The following CA8 variants were observed in gnomAD, a reference collection of about 807,000 sequenced individuals.
The protein encoded by CA8 is carbonic anhydrase 8 (inactive).
In CA8, 22 loss-of-function variants were observed where a neutral mutation model predicts 41.4. The ratio of observed to expected loss-of-function variants is 0.53; its 90% confidence interval spans 0.38 to 0.76. CA8 has a LOEUF of 0.76. Ranked by LOEUF, CA8 falls within the 30% of genes least tolerant of loss-of-function variation. The probability of loss-of-function intolerance (pLI) is 0.00; values close to 1 mark genes in which losing one functional copy is unlikely to be tolerated. For synonymous variants in CA8, 121 were observed against 130.6 expected (o/e 0.93, Z 0.50); for missense variants, 270 against 352.8 (o/e 0.77, Z 1.88).
chr8:60,244,251 C>A (rs560570724), intron 3 of CA8, among the ~76,000 whole-genome samples: 4 of 152,282 alleles, frequency 2.6e-5, no homozygotes, highest in Admixed American at 2.6e-4. Context: ...GTTTCAAGAT[C>A]CATAATCTAT....
At chr8:60,209,204 G>A (rs1806747240) in intron 7 of CA8, among the ~76,000 whole-genome samples, 1 of 152,168 alleles carries the variant, frequency 6.6e-6, no homozygotes, top group Non-Finnish European at 1.5e-5. Flanking sequence ...AAATGATACA[G>A]GCCGGGCACA....
chr8:60,208,450 A>C, intron 8 of CA8: 25 of 358,822 alleles, frequency 7.0e-5, no homozygotes, highest in Non-Finnish European at 9.6e-5. Context: ...CTAAAGAGGT[A>C]TGCATGCATG....
chr8:60,274,847 A>G (rs537619163), intron 2 of CA8, among the ~76,000 whole-genome samples: 2 of 152,308 alleles, frequency 1.3e-5, no homozygotes, highest in African/African-American at 4.8e-5. Context: ...AGACTAAGAC[A>G]CGAGAAAAGA....
intron 1 of CA8, among the ~76,000 whole-genome samples, 197 bp from the exon 2 acceptor site, chr8:60,280,077 C>G (rs1326159150): frequency 6.6e-6 from 1 of 152,122 alleles, no homozygotes; most frequent in Non-Finnish European, 1.5e-5. Flanking sequence ...AAATACCATA[C>G]ACAAAATCCC....
chr8:60,236,434 C>T (rs1807832825), intron 3 of CA8, among the ~76,000 whole-genome samples: 2 of 152,164 alleles, frequency 1.3e-5, no homozygotes, highest in Admixed American at 1.3e-4. Context: ...CTCTCTCTTT[C>T]TCCCTCTCCC....
intron 6 of CA8, 144 bp from the exon 7 acceptor site, chr8:60,222,905 C>T (rs1807301213): frequency 1.4e-6 from 1 of 692,874 alleles, no homozygotes; most frequent in Non-Finnish European, 2.7e-6. Flanking sequence ...GCCCCACAGT[C>T]TTACACTACT....
rs577936278 is a variant in CA8, at chr8:60,204,990, T to C, written c.*35+3760A>G. ...ACTGATATGAAATTGATACTTGTTATAGCTTTATTAAAGCTAAGAAGACAA... is the reference window on the plus strand; with the variant it reads ...ACTGATATGAAATTGATACTTGTTACAGCTTTATTAAAGCTAAGAAGACAA... On this transcript the variant is annotated intron_variant, in intron 8 of 8. Transcript: ENST00000317995. 7.9e-5 allele frequency among the ~76,000 whole-genome samples: 12 copies of C among 152,318 alleles called. No homozygotes were observed. The South Asian group carries it at 2.5e-3, about 32-fold the overall frequency.
Position 60,245,599 on chromosome 8 carries a change from T to C in CA8, c.418-13220A>G, listed in dbSNP as rs114130332. Among the ~76,000 whole-genome samples, 703 of 152,308 alleles carry C rather than the reference T, an allele frequency of 4.6e-3. 5 individuals are homozygous for C. The highest frequency in any genetic ancestry group is 0.016 in the African/African-American group (663 of 41,566). On this transcript the variant is annotated intron_variant, in intron 3 of 8. Transcript: ENST00000317995. ...TCCTGTTAATAAAATAACAGTGCTATAGGCAATCAACTTATTTTAAAGGAC... is the reference window on the plus strand; with the variant it reads ...TCCTGTTAATAAAATAACAGTGCTACAGGCAATCAACTTATTTTAAAGGAC...
At chr8:60,200,352 AC>A (rs1360629776) in intron 8 of CA8, among the ~76,000 whole-genome samples, 1 of 152,082 alleles carries the variant, frequency 6.6e-6, no homozygotes, top group Non-Finnish European at 1.5e-5. Context: ...GATGGCTTCT[AC>A]CCCCAATAAG....
At position 60,261,860 on chromosome 8, in the gene CA8, C is replaced by T. The variant is rs184545711; in HGVS notation, c.417+4065G>A. Among the ~76,000 whole-genome samples the T allele has an allele frequency of 4.6e-3, 696 of 152,064 alleles. 4 individuals are homozygous for T. Among genetic ancestry groups the T allele is most frequent in the African/African-American group, 0.016 (653 of 41,484 alleles). ...CCAAGTAGCTGGGACTACAGGCGCCCGTCACCACACCCGGCTAATTTTTGC... is the reference window on the plus strand; with the variant it reads ...CCAAGTAGCTGGGACTACAGGCGCCTGTCACCACACCCGGCTAATTTTTGC... On this transcript the variant is annotated intron_variant, in intron 3 of 8. Transcript: ENST00000317995.
intron 8 of CA8, among the ~76,000 whole-genome samples, chr8:60,205,575 C>A (rs1422742049): frequency 6.6e-6 from 1 of 152,120 alleles, no homozygotes; most frequent in East Asian, 1.9e-4. Context: ...ACCCATAAAT[C>A]TGAATTAGCA....
intron 3 of CA8, among the ~76,000 whole-genome samples, chr8:60,246,928 G>C (rs1808264646): frequency 1.6e-5 from 2 of 125,722 alleles, no homozygotes; most frequent in African/African-American, 6.3e-5. Context: ...CTGTCCCCCA[G>C]GCTGGAGTTC....
chr8:60,228,622 CCTTCCG>C (rs1807528796), intron 4 of CA8, among the ~76,000 whole-genome samples: 1 of 152,192 alleles, frequency 6.6e-6, no homozygotes, highest in Non-Finnish European at 1.5e-5. Context: ...ACCTCTACAT[CCTTCCG>C]CTTCCTCAGC....
At chr8:60,190,796 G>A (rs1391403885) in intron 8 of CA8, among the ~76,000 whole-genome samples, 1 of 150,102 alleles carries the variant, frequency 6.7e-6, no homozygotes, top group East Asian at 1.9e-4. Context: ...GCCTCCTTCT[G>A]GGCAATGTCC....
chr8:60,268,967 G>A (rs962114949), intron 2 of CA8, among the ~76,000 whole-genome samples: 3 of 152,282 alleles, frequency 2.0e-5, no homozygotes, highest in East Asian at 1.9e-4. Flanking sequence ...CAAAGAGGTG[G>A]CTGTCAGCCA....
chr8:60,250,437 A>G (rs1213773479), intron 3 of CA8, among the ~76,000 whole-genome samples: 2 of 152,222 alleles, frequency 1.3e-5, no homozygotes, highest in African/African-American at 4.8e-5. Flanking sequence ...AGAGGAACCA[A>G]AAGCTCCTCT....
rs1806860069 is a variant in CA8, at chr8:60,212,219, AT to A, written c.739-3301del. ...TCTTCACTGCCTCAAAAACCAAATTATCCACTAAAAGTTCAGCTTTAAAACT... is the reference window on the plus strand; with the variant it reads ...TCTTCACTGCCTCAAAAACCAAATTACCACTAAAAGTTCAGCTTTAAAACT... On this transcript the variant is annotated intron_variant, in intron 7 of 8. Coordinates refer to ENST00000317995, the MANE Select transcript of CA8 (RefSeq NM_004056.6). Among the ~76,000 whole-genome samples, 6 of 152,324 alleles carry A rather than the reference AT, an allele frequency of 3.9e-5. No homozygotes were observed. The South Asian group carries it at 1.2e-3, about 32-fold the overall frequency.
chr8:60,248,435 G>T (rs1174790696), intron 3 of CA8, among the ~76,000 whole-genome samples: 2 of 152,134 alleles, frequency 1.3e-5, no homozygotes. Flanking sequence ...TGTATAAAGT[G>T]CAAGGAAGGG....
At chr8:60,203,770 AT>A in intron 8 of CA8, among the ~76,000 whole-genome samples, 1 of 152,220 alleles carries the variant, frequency 6.6e-6, no homozygotes, top group Middle Eastern at 3.4e-3. Flanking sequence ...CCTTAGATGA[AT>A]TTTTAAGCTT....
Sources: gnomAD v4.1 joint callset for allele counts (sites outside exome capture counted in the v4.1 genomes callset) on GRCh38, gnomAD v4.1.1 for gene constraint, MANE v1.5 for transcripts, NCBI Gene and HGNC (gene_info 2026-07-23, HGNC 2026-07-21) for gene names.